ENPP2: variants seen among roughly 807,000 people sequenced by gnomAD.
The protein encoded by ENPP2 is ectonucleotide pyrophosphatase/phosphodiesterase 2.
A neutral mutation model predicts 120.2 loss-of-function variants in ENPP2; 51 were observed. That is an observed-to-expected ratio of 0.42 (90% CI 0.34 to 0.54). The LOEUF (loss-of-function observed/expected upper bound fraction) is 0.54. Among genes scored for constraint, ENPP2 ranks in the 20% least tolerant of loss-of-function variants. The probability of loss-of-function intolerance (pLI) is 0.04; values close to 1 mark genes in which losing one functional copy is unlikely to be tolerated. For synonymous variants in ENPP2, 365 were observed against 366.4 expected (o/e 1.00, Z 0.04); for missense variants, 920 against 1,066.5 (o/e 0.86, Z 1.91).
At chr8:119,592,473 C>CAAAAAAAAA (rs61330053) in intron 12 of ENPP2, among the ~76,000 whole-genome samples, 14 of 54,884 alleles carry the variant, frequency 2.6e-4, no homozygotes, top group Admixed American at 4.6e-4. Context: ...AACTCCACCT[C>CAAAAAAAAA]AAAAAAAAAA....
chr8:119,634,203 C>T (rs1029349306), intron 2 of ENPP2, among the ~76,000 whole-genome samples: 1 of 151,116 alleles, frequency 6.6e-6, no homozygotes, highest in African/African-American at 2.4e-5. Context: ...TACATACATA[C>T]ATACATACAT....
At position 119,574,449 on chromosome 8, in the gene ENPP2, C is replaced by A. The variant is rs766320882; in HGVS notation, c.1781-3608G>T. ...GCCTGTCATGGAATTCCAGACCGAG[C>A]CTTCATTCCACACCCCAGTTCCCTG... On this transcript the variant is annotated intron_variant, in intron 19 of 24. Coordinates refer to ENST00000075322, the MANE Select transcript of ENPP2 (RefSeq NM_001040092.3). Among the ~76,000 whole-genome samples the A allele has an allele frequency of 1.2e-4, 18 of 151,668 alleles. 1 individual carries two copies. The highest frequency in any genetic ancestry group is 3.3e-4 in the Admixed American group (5 of 15,184).
intron 9 of ENPP2, among the ~76,000 whole-genome samples, chr8:119,605,665 T>C (rs887135881): frequency 2.0e-5 from 3 of 151,122 alleles, no homozygotes; most frequent in Non-Finnish European, 2.9e-5. Flanking sequence ...ACGAGGGTTC[T>C]CCATGTTGAA....
At chr8:119,571,755 A>C (rs1815002502) in intron 19 of ENPP2, 1 of 153,278 alleles carries the variant, frequency 6.5e-6, no homozygotes, top group Admixed American at 6.5e-5. Context: ...AAATTTAAAA[A>C]AAAATAAATT....
chr8:119,589,825 C>T (rs1388205734), intron 13 of ENPP2, among the ~76,000 whole-genome samples: 1 of 152,084 alleles, frequency 6.6e-6, no homozygotes, highest in South Asian at 2.1e-4. Flanking sequence ...AAACTATGGA[C>T]TTCTCAAAAG....
At chr8:119,580,477 A>G (rs1261246334) in intron 18 of ENPP2, 1 of 312,432 alleles carries the variant, frequency 3.2e-6, no homozygotes, top group African/African-American at 2.2e-5. Context: ...ATGTGTAAGT[A>G]AATTAGGATA....
chr8:119,575,404 A>G (rs1400690795), intron 19 of ENPP2, among the ~76,000 whole-genome samples: 5 of 152,110 alleles, frequency 3.3e-5, no homozygotes, highest in Non-Finnish European at 7.3e-5. Flanking sequence ...TAATGAGGAC[A>G]GTAGTTTCTG....
intron 1 of ENPP2, among the ~76,000 whole-genome samples, chr8:119,671,118 C>T (rs1326928303): frequency 1.6e-5 from 2 of 128,298 alleles, no homozygotes; most frequent in African/African-American, 3.1e-5. Context: ...GAAACCCCTC[C>T]TCTACTAAAA....
intron 2 of ENPP2, among the ~76,000 whole-genome samples, chr8:119,637,235 C>T (rs556173601): frequency 2.6e-5 from 4 of 152,096 alleles, no homozygotes; most frequent in Admixed American, 6.6e-5. Flanking sequence ...AAACAGCATT[C>T]TCTAGCTCAG....
chr8:119,590,548 T>C lies in ENPP2; in HGVS notation c.1164A>G (p.Gly388=), dbSNP rs149223629. 9,520 of 1,599,224 alleles carry C rather than the reference T, an allele frequency of 6.0e-3. 34 individuals are homozygous for C. The highest frequency in any genetic ancestry group is 7.2e-3 in the Non-Finnish European group (8,435 of 1,173,334). Residue 388 remains glycine (G), a synonymous_variant, in exon 13 of 25, where the codon GGA becomes GGG. Transcript: ENST00000075322. ...ATTTGGATCGAATTCTTCCTAGAGT[T>C]CCAGGCACTAAAGTAATATCATCCA... is the stretch of plus-strand genomic sequence containing the variant. ...TNVDDITLVP[G]TLGRIRSKFS... is the part of the protein sequence containing the mutation.
chr8:119,667,586 T>C (rs947440794), intron 1 of ENPP2, among the ~76,000 whole-genome samples: 13 of 152,308 alleles, frequency 8.5e-5, no homozygotes, highest in Middle Eastern at 3.4e-3. Context: ...GTCACCATAC[T>C]CTTATAACTC....
chr8:119,561,401 G>A (rs528147678), intron 24 of ENPP2, among the ~76,000 whole-genome samples: 1 of 152,274 alleles, frequency 6.6e-6, no homozygotes, highest in South Asian at 2.1e-4. Flanking sequence ...ATACAACTTA[G>A]GAATTTGAGT....
intron 19 of ENPP2, chr8:119,572,513 C>T (rs758231933): frequency 1.2e-5 from 5 of 433,582 alleles, no homozygotes; most frequent in African/African-American, 2.0e-5. Flanking sequence ...AAGCATTCAA[C>T]GTAACACTCT....
At chr8:119,568,617 T>A (rs566802233) in intron 21 of ENPP2, among the ~76,000 whole-genome samples, 47 of 151,982 alleles carry the variant, frequency 3.1e-4, no homozygotes, top group African/African-American at 9.4e-4. Flanking sequence ...TTTTTTTTTT[T>A]AAATATGGAA....
intron 1 of ENPP2, among the ~76,000 whole-genome samples, chr8:119,657,500 G>T (rs1362111762): frequency 6.6e-6 from 1 of 152,126 alleles, no homozygotes; most frequent in African/African-American, 2.4e-5. Flanking sequence ...TTTGTATGTC[G>T]AAGTCTGCCA....
intron 19 of ENPP2, among the ~76,000 whole-genome samples, chr8:119,577,376 C>CA (rs1165987722): frequency 6.6e-6 from 1 of 152,098 alleles, no homozygotes; most frequent in Non-Finnish European, 1.5e-5. Context: ...GTAGGGCAGA[C>CA]ACTGAATATT....
intron 2 of ENPP2, among the ~76,000 whole-genome samples, chr8:119,635,413 AT>A (rs1243386633): frequency 6.6e-6 from 1 of 152,244 alleles, no homozygotes; most frequent in East Asian, 1.9e-4. Context: ...CAAAGAGGAT[AT>A]TCTATTTCCA....
chr8:119,629,061 G>C (rs1395293371), intron 2 of ENPP2, among the ~76,000 whole-genome samples: 1 of 151,666 alleles, frequency 6.6e-6, no homozygotes, highest in East Asian at 1.9e-4. Context: ...TGTGCGTGTG[G>C]GTATGTATAT....
intron 2 of ENPP2, among the ~76,000 whole-genome samples, chr8:119,634,086 G>A (rs1253868683): frequency 2.0e-5 from 3 of 152,124 alleles, no homozygotes; most frequent in Admixed American, 1.3e-4. Flanking sequence ...GGGAGGCTGA[G>A]GCAGGAGAAT....
Sources: gnomAD v4.1 joint callset for allele counts (sites outside exome capture counted in the v4.1 genomes callset) on GRCh38, gnomAD v4.1.1 for gene constraint, MANE v1.5 for transcripts, NCBI Gene and HGNC (gene_info 2026-07-23, HGNC 2026-07-21) for gene names.